TRAF3IP3: variants seen among roughly 807,000 people sequenced by gnomAD.
TRAF3IP3 encodes the protein TRAF3 interacting protein 3.
Under a neutral mutation model 86.5 loss-of-function variants are expected in TRAF3IP3, and 64 were observed. The observed-to-expected ratio is 0.74, with a 90% confidence interval of 0.60 to 0.91. The LOEUF (loss-of-function observed/expected upper bound fraction) is 0.91, where lower values mean the gene tolerates loss of function less well. TRAF3IP3 is among the 40% of genes least tolerant of loss of function. TRAF3IP3 has a pLI of 0.00. For missense variants in TRAF3IP3, 579 were observed against 642.9 expected (o/e 0.90, Z 1.07); for synonymous variants, 220 against 243.9 (o/e 0.90, Z 0.91).
chr1:209,768,016 G>A, intron 8 of TRAF3IP3: 1 of 564,156 alleles, frequency 1.8e-6, no homozygotes, highest in Non-Finnish European at 2.2e-6. Flanking sequence ...CAGTTTTAAA[G>A]AAAAACAGTC....
intron 8 of TRAF3IP3, among the ~76,000 whole-genome samples, chr1:209,772,729 T>C (rs557248798): frequency 1.3e-5 from 2 of 152,300 alleles, no homozygotes; most frequent in East Asian, 3.9e-4. Flanking sequence ...AAAAGAGGAC[T>C]TGAGGCCAGT....
intron 14 of TRAF3IP3, 31 bp downstream of exon 14, chr1:209,779,405 A>T: frequency 1.3e-6 from 2 of 1,592,322 alleles, no homozygotes; most frequent in Non-Finnish European, 1.7e-6. Context: ...AAATTCTAAG[A>T]TATTGCTCTT....
rs753882554 is a variant in TRAF3IP3 at position 209,763,494 on chromosome 1, G to A, written c.609G>A (p.Glu203=). The A allele has an allele frequency of 6.2e-7, 1 of 1,614,166 alleles. No individual in the cohort carries two copies. Among genetic ancestry groups the A allele is most frequent in the Non-Finnish European group, 8.5e-7 (1 of 1,180,012 alleles). ...EIIQLSDYLK[E]ALQRELVLKQ... is the part of the protein sequence containing the mutation. Reference sequence around the variant, plus strand: ...GCACTTTGTGCCCGCACCCCCAGGAGGCCCTACAAAGGGAGCTGGTCCTAA... The same window carrying A: ...GCACTTTGTGCCCGCACCCCCAGGAAGCCCTACAAAGGGAGCTGGTCCTAA... The change falls in exon 8 of 17, where the codon GAG becomes GAA. Residue 203 remains glutamate, a splice_region_variant and synonymous_variant. Transcript: ENST00000367025.
At chr1:209,772,670 G>A (rs923532851) in intron 8 of TRAF3IP3, among the ~76,000 whole-genome samples, 4 of 150,864 alleles carry the variant, frequency 2.7e-5, no homozygotes, top group Admixed American at 1.3e-4. Flanking sequence ...CTTTCCTTCC[G>A]GGGCCCCCCT....
rs1478473630 is a variant in TRAF3IP3, at chr1:209,763,367, T to C, written c.581T>C (p.Ile194Thr). The C allele has an allele frequency of 6.2e-7, 1 of 1,613,496 alleles. No homozygotes were observed. Among genetic ancestry groups the C allele is most frequent in the South Asian group, 1.1e-5 (1 of 91,046 alleles). ...NYGVAVLDKE[I>T]IQLSDYLKEA... is the part of the protein sequence containing the mutation. ...ACCCTTGTTCTTTCTCTCCAGGAAA[T>C]CATCCAGCTTTCTGATTACCTCAAA... Residue 194 changes from isoleucine (I) to threonine (T), a missense_variant, in exon 7 of 17, where the codon ATC (isoleucine) becomes ACC (threonine). By Grantham distance (89) the Ile-to-Thr change is moderately conservative. Coordinates refer to ENST00000367025, the MANE Select transcript of TRAF3IP3 (RefSeq NM_025228.4).
rs375415223 is a variant in TRAF3IP3, at chr1:209,765,178, GGAGAGAGAGAGA to G, written c.702+1615_702+1626del. ...TGACAGAGCAGGACTCTGAGAGACA[GGAGAGAGAGAGA>G]GAGAGAGAGAGAGAGAGAGAGAGGG... is the stretch of plus-strand genomic sequence containing the variant. On this transcript the variant is annotated intron_variant, in intron 8 of 16. Transcript: ENST00000367025. 9.8e-4 allele frequency among the ~76,000 whole-genome samples: 86 copies of G among 87,876 alleles called. 4 individuals carry two copies. The highest frequency in any genetic ancestry group is 5.8e-3 in the Middle Eastern group (1 of 172). The allele number at this position is 87,876 out of a possible 152,430, so 57.7% of individuals were successfully genotyped here. A position where few individuals can be genotyped will look rare whatever the true frequency, so the allele number is the denominator to read the frequency against.
intron 9 of TRAF3IP3, among the ~76,000 whole-genome samples, chr1:209,773,256 A>G (rs1162129957): frequency 6.6e-6 from 1 of 152,100 alleles, no homozygotes; most frequent in Non-Finnish European, 1.5e-5. Context: ...CCCTGGAGGA[A>G]TCCCAGCACT....
At chr1:209,761,827 C>T (rs2077250186) in intron 3 of TRAF3IP3, among the ~76,000 whole-genome samples, 2 of 152,238 alleles carry the variant, frequency 1.3e-5, no homozygotes, top group African/African-American at 4.8e-5. Context: ...TCTCTTTCCA[C>T]ATCACCATGC....
chr1:209,772,247 C>T lies in TRAF3IP3; in HGVS notation c.703-701C>T, dbSNP rs192600403. Among the ~76,000 whole-genome samples, 698 of 152,280 alleles carry T rather than the reference C, an allele frequency of 4.6e-3. 1 individual carries two copies. Among genetic ancestry groups the T allele is most frequent in the Non-Finnish European group, 6.0e-3 (408 of 68,014 alleles). ...GTGTCAGCAGAGTTCGTTTCTCCTG[C>T]GGTCTCTCTTCCTGGCTTACAGATT... On this transcript the variant is annotated intron_variant, in intron 8 of 16. Transcript: ENST00000367025.
chr1:209,779,320 C>T lies in TRAF3IP3; in HGVS notation c.1258C>T (p.Leu420Phe), dbSNP rs2077726857. ...VTRVQQLQGL[L>F]QNQSLQLQEQ... ...TTCCTTGTGTTTTCCAACAGGTTTG[C>T]TTCAAAATCAATCCTTACAGCTTCA... Residue 420 changes from leucine to phenylalanine, a missense_variant, in exon 14 of 17, where the codon CTT (leucine) becomes TTT (phenylalanine). Coordinates refer to ENST00000367025, the MANE Select transcript of TRAF3IP3 (RefSeq NM_025228.4). The T allele has an allele frequency of 6.2e-7, 1 of 1,613,884 alleles. No homozygotes were observed. The highest frequency in any genetic ancestry group is 1.3e-5 in the African/African-American group (1 of 74,928).
chr1:209,768,886 G>A (rs150711821), intron 8 of TRAF3IP3, among the ~76,000 whole-genome samples: 2,023 of 152,284 alleles, frequency 0.013, 47 homozygotes, highest in African/African-American at 0.045. Flanking sequence ...ATGACGTTTT[G>A]GGGAGTCCAG....
At chr1:209,760,518 A>C in intron 3 of TRAF3IP3, 134 bp downstream of exon 3, 1 of 744,856 alleles carries the variant, frequency 1.3e-6, no homozygotes, top group Non-Finnish European at 2.1e-6. Flanking sequence ...AAAGTTGCCA[A>C]GAGCTACTTA....
rs1459605401 is a variant in TRAF3IP3 at position 209,780,530 on chromosome 1, C to G, written c.1373C>G (p.Thr458Arg). 20 of 1,603,582 alleles carry G rather than the reference C, an allele frequency of 1.2e-5. No individual in the cohort carries two copies. The highest frequency in any genetic ancestry group is 1.6e-5 in the Non-Finnish European group (19 of 1,174,868). Reference sequence around the variant, plus strand: ...CCTAACGAAGTGGAGCCTGAGGGTACAGGGAAGGAGAAAGACTGGGATCTC... The same window carrying G: ...CCTAACGAAGTGGAGCCTGAGGGTAGAGGGAAGGAGAAAGACTGGGATCTC... ...SFPNEVEPEG[T>R]GKEKDWDLRD... Residue 458 changes from threonine (T) to arginine (R), a missense_variant, in exon 15 of 17, where the codon ACA (threonine) becomes AGA (arginine). Transcript: ENST00000367025.
intron 8 of TRAF3IP3, among the ~76,000 whole-genome samples, chr1:209,771,444 G>GGC (rs2077518466): frequency 8.8e-6 from 1 of 114,206 alleles, no homozygotes; most frequent in African/African-American, 4.7e-5. Flanking sequence ...TGCATGTGGA[G>GGC]GTGTGTGTGC....
In TRAF3IP3 at chr1:209,760,313, C is replaced by A. The variant is rs775753632; in HGVS notation, c.274C>A (p.Arg92=). 9 of 1,613,994 alleles carry A rather than the reference C, an allele frequency of 5.6e-6. No homozygotes were observed. Among genetic ancestry groups the A allele is most frequent in the Non-Finnish European group, 7.6e-6 (9 of 1,179,948 alleles). ...GGCCAGGGAGCAAGGGCCCTCCAGGCGGCCAGGACAGGTGACTGTCCTCAA... is the reference window on the plus strand; with the variant it reads ...GGCCAGGGAGCAAGGGCCCTCCAGGAGGCCAGGACAGGTGACTGTCCTCAA... ...PQAREQGPSR[R]PGQVTVLKEP... is the part of the protein sequence containing the mutation. The change falls in exon 3 of 17, where the codon CGG becomes AGG. Residue 92 remains arginine (R), a synonymous_variant. Transcript: ENST00000367025.
chr1:209,759,925 C>A (rs185606119), intron 2 of TRAF3IP3, 57 bp from the exon 3 acceptor site: 2 of 817,974 alleles, frequency 2.4e-6, no homozygotes, highest in East Asian at 2.5e-5. Flanking sequence ...GGGAGATAGT[C>A]ATTTTTCTGC....
In TRAF3IP3 at chr1:209,759,148, A is replaced by G. The variant is rs1466812331; in HGVS notation, c.-59+14A>G. 1 of 152,224 alleles carries G rather than the reference A, an allele frequency of 6.6e-6. No homozygotes were observed. The highest frequency in any genetic ancestry group is 1.5e-5 in the Non-Finnish European group (1 of 68,052). 9.4% of individuals were successfully genotyped at this position (152,224 alleles called of 1,614,324 possible). ...TAACCCTGACAGGTTGGTAATCCTA[A>G]AGAAATGGAACCCTCAGCCCCAACA... On this transcript the variant is annotated intron_variant, in intron 2 of 16. Coordinates refer to ENST00000367025, the MANE Select transcript of TRAF3IP3 (RefSeq NM_025228.4).
Position 209,760,346 on chromosome 1 carries a change from T to C in TRAF3IP3, c.307T>C (p.Leu103=), listed in dbSNP as rs1475160627. Residue 103 remains leucine, a synonymous_variant, in exon 3 of 17, where the codon TTG becomes CTG. Coordinates refer to ENST00000367025, the MANE Select transcript of TRAF3IP3 (RefSeq NM_025228.4). ...ACAGGTGACTGTCCTCAAGGAACCC[T>C]TGTCTTGTGCCAGAAGGATTTCTTC... ...PGQVTVLKEP[L]SCARRISSPR... is the part of the protein sequence containing the mutation. The C allele has an allele frequency of 6.2e-7, 1 of 1,611,392 alleles. No individual in the cohort carries two copies. The highest frequency in any genetic ancestry group is 8.5e-7 in the Non-Finnish European group (1 of 1,178,812).
intron 8 of TRAF3IP3, among the ~76,000 whole-genome samples, chr1:209,771,366 TGGA>T (rs1190731514): frequency 5.3e-5 from 5 of 94,318 alleles, no homozygotes; most frequent in South Asian, 3.1e-4. Context: ...CGTGTGCAGC[TGGA>T]GGTGTGTGTG....
Sources: allele counts gnomAD v4.1 joint callset (sites outside exome capture counted in the v4.1 genomes callset), GRCh38; gene constraint gnomAD v4.1.1; transcripts MANE v1.5; gene names NCBI Gene and HGNC (gene_info 2026-07-23, HGNC 2026-07-21).